Variants in ABCC2 observed in about 807,000 individuals in gnomAD.
ABCC2 encodes ATP binding cassette subfamily C member 2.
In ABCC2, 157 loss-of-function variants were observed where a neutral mutation model predicts 173.4. That is an observed-to-expected ratio of 0.91 (90% CI 0.80 to 1.03). The LOEUF (loss-of-function observed/expected upper bound fraction) is 1.03, where lower values mean the gene tolerates loss of function less well. Among genes scored for constraint, ABCC2 ranks in the 50% least tolerant of loss-of-function variants. The pLI is 0.00. For synonymous variants in ABCC2, 657 were observed against 693.5 expected (o/e 0.95, Z 0.83); for missense variants, 1,822 against 1,852.3 (o/e 0.98, Z 0.30).
intron 25 of ABCC2, among the ~76,000 whole-genome samples, chr10:99,840,686 T>C (rs1295447071): frequency 6.6e-6 from 1 of 151,864 alleles, no homozygotes; most frequent in African/African-American, 2.4e-5. Flanking sequence ...TATTTTTGTT[T>C]GTTTGTTTTT....
At chr10:99,783,336 C>T (rs944067439) in intron 1 of ABCC2, among the ~76,000 whole-genome samples, 1 of 152,046 alleles carries the variant, frequency 6.6e-6, no homozygotes, top group Non-Finnish European at 1.5e-5. Context: ...CAACTTTGGG[C>T]ATCATGAGCA....
chr10:99,785,620 A>T (rs2132944958), intron 2 of ABCC2, among the ~76,000 whole-genome samples: 1 of 152,094 alleles, frequency 6.6e-6, no homozygotes, highest in Non-Finnish European at 1.5e-5. Context: ...GGGTTCAAGC[A>T]ATTCTTATGC....
Position 99,799,199 on chromosome 10 carries a change from G to T in ABCC2, c.868-8G>T. On this transcript the variant is annotated splice_polypyrimidine_tract_variant and splice_region_variant and intron_variant, in intron 7 of 31. Transcript: ENST00000647814. Reference sequence around the variant, plus strand: ...TCTGTGGACACTGTTGTTTGGTTTTGTACCTAGGAAGATGTTGAAAAGAAA... The same window carrying T: ...TCTGTGGACACTGTTGTTTGGTTTTTTACCTAGGAAGATGTTGAAAAGAAA... 6.2e-7 allele frequency: 1 copy of T among 1,613,802 alleles called. No homozygotes were observed. Among genetic ancestry groups the T allele is most frequent in the Non-Finnish European group, 8.5e-7 (1 of 1,179,956 alleles).
At position 99,842,108 on chromosome 10, in the gene ABCC2, T is replaced by C; in HGVS notation, c.3741+15T>C. The C allele has an allele frequency of 6.2e-7, 1 of 1,614,096 alleles. No individual in the cohort carries two copies. Among genetic ancestry groups the C allele is most frequent in the Non-Finnish European group, 8.5e-7 (1 of 1,180,002 alleles). ...ATGCACTCAATGTGAGTTTGAAGGT[T>C]GGGAGTTTGGTTTCGTTAGTGTGCT... On this transcript the variant is annotated intron_variant, in intron 26 of 31. Coordinates refer to ENST00000647814, the MANE Select transcript of ABCC2 (RefSeq NM_000392.5).
At position 99,790,231 on chromosome 10, in the gene ABCC2, G is replaced by T. The variant is rs780677801; in HGVS notation, c.208-2003G>T. ...TCAACTTTGTATCACATTTTTTGAT[G>T]TTTGCTAATTGGTTAGGCAAAAATG... On this transcript the variant is annotated intron_variant, in intron 2 of 31. Coordinates refer to ENST00000647814, the MANE Select transcript of ABCC2 (RefSeq NM_000392.5). 5.7e-4 allele frequency among the ~76,000 whole-genome samples: 87 copies of T among 152,090 alleles called. 3 individuals carry two copies. The highest frequency in any genetic ancestry group is 2.9e-4 in the Non-Finnish European group (20 of 68,008).
At chr10:99,806,091 GTGT>G (rs2038098669) in intron 11 of ABCC2, among the ~76,000 whole-genome samples, 1 of 151,718 alleles carries the variant, frequency 6.6e-6, no homozygotes, top group African/African-American at 2.4e-5. Context: ...GTGTGTGTGT[GTGT>G]GTGTGTGTGT....
rs368005178 is a variant in ABCC2 at position 99,836,233 on chromosome 10, A to G, written c.3557A>G (p.Asn1186Ser). 4 of 1,614,074 alleles carry G rather than the reference A, an allele frequency of 2.5e-6. No individual in the cohort carries two copies. The African/African-American group carries it at 4.0e-5, about 16-fold the overall frequency. ...CACCAGCAGCGATTTCTGAAACACAATGAGGTGAGGATTGACACCAACCAG... is the reference window on the plus strand; with the variant it reads ...CACCAGCAGCGATTTCTGAAACACAGTGAGGTGAGGATTGACACCAACCAG... ...FEHQQRFLKHNEVRIDTNQKC... is the reference protein window; with the variant it reads ...FEHQQRFLKHSEVRIDTNQKC... The change falls in exon 25 of 32, where the codon AAT becomes AGT. Residue 1186 changes from asparagine (N) to serine (S), a missense_variant. Physicochemically the swap from Asn to Ser is conservative, Grantham distance 46. Transcript: ENST00000647814.
At chr10:99,805,318 C>A in intron 10 of ABCC2, 64 bp from the exon 11 acceptor site, 1 of 1,470,394 alleles carries the variant, frequency 6.8e-7, no homozygotes, top group Non-Finnish European at 9.5e-7. Context: ...CTGATGTCTG[C>A]AGCAAACCTG....
Position 99,851,624 on chromosome 10 carries a change from A to T in ABCC2, c.4631A>T (p.Lys1544Ile), listed in dbSNP as rs1353079932. The T allele has an allele frequency of 6.2e-7, 1 of 1,614,034 alleles. No homozygotes were observed. The highest frequency in any genetic ancestry group is 1.3e-5 in the African/African-American group (1 of 74,932). Residue 1544 changes from lysine (K) to isoleucine (I), a missense_variant, in exon 32 of 32, where the codon AAA (lysine) becomes ATA (isoleucine). Transcript: ENST00000647814. ...GGCATTGAGAATGTGAACAGCACAAAATTCTAGCAGAAGGCCCCATGGGTT... is the reference window on the plus strand; with the variant it reads ...GGCATTGAGAATGTGAACAGCACAATATTCTAGCAGAAGGCCCCATGGGTT... ...EAGIENVNSTKF is the reference protein window; with the variant it reads ...EAGIENVNSTIF
chr10:99,848,168 T>C (rs2039044398), intron 30 of ABCC2, among the ~76,000 whole-genome samples: 1 of 152,166 alleles, frequency 6.6e-6, no homozygotes, highest in African/African-American at 2.4e-5. Context: ...GAACCACTGA[T>C]CTAAAGAGCA....
rs1166609736 is a variant in ABCC2, at chr10:99,814,297, G to A, written c.2094+1153G>A. On this transcript the variant is annotated intron_variant, in intron 16 of 31. Coordinates refer to ENST00000647814, the MANE Select transcript of ABCC2 (RefSeq NM_000392.5). ...CACACGTATGTATACACACACGTAT[G>A]TATACACACATGTATATACACACGT... Among the ~76,000 whole-genome samples the A allele has an allele frequency of 2.7e-3, 189 of 68,752 alleles. 7 individuals carry two copies. Among genetic ancestry groups the A allele is most frequent in the Non-Finnish European group, 3.7e-3 (132 of 35,332 alleles). The allele number at this position is 68,752 out of a possible 152,430, so 45.1% of individuals were successfully genotyped here. A position where few individuals can be genotyped will look rare whatever the true frequency, so the allele number is the denominator to read the frequency against.
chr10:99,845,779 C>T lies in ABCC2; in HGVS notation c.4143C>T (p.Pro1381=). The T allele has an allele frequency of 1.2e-6, 2 of 1,610,820 alleles. No homozygotes were observed. Among genetic ancestry groups the T allele is most frequent in the Non-Finnish European group, 1.7e-6 (2 of 1,178,984 alleles). The change falls in exon 29 of 32, where the codon CCC becomes CCT. Residue 1381 remains proline (P), a synonymous_variant. Transcript: ENST00000647814. ...HDLREKLTII[P]QDPILFSGSL... ...TCCGAGAGAAGCTGACCATCATCCC[C>T]CAGGTGAGCTCTAGAACTTACTCGG...
intron 15 of ABCC2, among the ~76,000 whole-genome samples, chr10:99,812,610 A>C (rs535536551): frequency 1.8e-4 from 27 of 152,358 alleles, no homozygotes; most frequent in Non-Finnish European, 4.0e-4. Flanking sequence ...AGGGGTCCTT[A>C]GTCCAAAGGA....
At chr10:99,801,447 A>T (rs2038014723) in intron 9 of ABCC2, among the ~76,000 whole-genome samples, 1 of 152,196 alleles carries the variant, frequency 6.6e-6, no homozygotes, top group African/African-American at 2.4e-5. Context: ...CATGTTAGCC[A>T]GGATGGTCTC....
Position 99,800,282 on chromosome 10 carries a change from GT to G in ABCC2, c.1032-102del. The G allele has an allele frequency of 4.9e-6, 6 of 1,231,092 alleles. 1 individual carries two copies. The Middle Eastern group carries it at 9.3e-4, about 192-fold the overall frequency. 76.3% of individuals were successfully genotyped at this position (1,231,092 alleles called of 1,614,324 possible). On this transcript the variant is annotated intron_variant, in intron 8 of 31. Transcript: ENST00000647814. Reference sequence around the variant, plus strand: ...GCTTTGGACAATTCTGGTCACTTTTGTTACCTACAGTGTAAAGATAGTGTAG... The same window carrying G: ...GCTTTGGACAATTCTGGTCACTTTTGTACCTACAGTGTAAAGATAGTGTAG...
chr10:99,822,713 T>C (rs2038558851), intron 19 of ABCC2, among the ~76,000 whole-genome samples: 1 of 152,126 alleles, frequency 6.6e-6, no homozygotes, highest in Non-Finnish European at 1.5e-5. Context: ...ATTTAAAGTA[T>C]AGAGTGCTAG....
intron 9 of ABCC2, among the ~76,000 whole-genome samples, chr10:99,803,258 T>G (rs777907026): frequency 6.6e-6 from 1 of 152,236 alleles, no homozygotes; most frequent in African/African-American, 2.4e-5. Context: ...CGTGAGCCAC[T>G]GCACACAGCC....
chr10:99,803,845 G>T (rs1000783688), intron 9 of ABCC2, among the ~76,000 whole-genome samples, 174 bp from the exon 10 acceptor site: 3 of 152,078 alleles, frequency 2.0e-5, no homozygotes, highest in African/African-American at 7.2e-5. Flanking sequence ...GAGTGGTCAA[G>T]AATGAGAGAA....
At chr10:99,832,178 T>C in intron 23 of ABCC2, 47 bp downstream of exon 23, 2 of 1,612,088 alleles carry the variant, frequency 1.2e-6, no homozygotes, top group South Asian at 1.1e-5. Context: ...ATACTGAGGA[T>C]CTTTCTGATA....
Sources: allele counts gnomAD v4.1 joint callset (sites outside exome capture counted in the v4.1 genomes callset), GRCh38; gene constraint gnomAD v4.1.1; transcripts MANE v1.5; gene names NCBI Gene and HGNC (gene_info 2026-07-23, HGNC 2026-07-21).